Variants in MGRN1 observed in about 807,000 individuals in gnomAD.
The protein encoded by MGRN1 is E3 ubiquitin-protein ligase MGRN1.
In MGRN1, 29 loss-of-function variants were observed where a neutral mutation model predicts 69.2. The observed-to-expected ratio is 0.42, with a 90% CI of 0.31 to 0.57. The LOEUF (loss-of-function observed/expected upper bound fraction) is 0.57, where lower values mean the gene tolerates loss of function less well. Ranked by LOEUF, MGRN1 falls within the 20% of genes least tolerant of loss-of-function variation. The probability of loss-of-function intolerance (pLI) is 0.15; values close to 1 mark genes in which losing one functional copy is unlikely to be tolerated. For missense variants in MGRN1, 998 were observed against 796.2 expected (o/e 1.25, Z -3.05); for synonymous variants, 470 against 344.2 (o/e 1.37, Z -4.04).
intron 1 of MGRN1, among the ~76,000 whole-genome samples, chr16:4,635,610 G>T (rs1163330223): frequency 1.3e-5 from 2 of 151,408 alleles, no homozygotes; most frequent in African/African-American, 4.9e-5. Context: ...GGGATTACAG[G>T]TGTGGGCCAC....
intron 8 of MGRN1, 135 bp downstream of exon 8, chr16:4,668,447 A>G: frequency 1.1e-6 from 1 of 883,072 alleles, no homozygotes; most frequent in South Asian, 1.6e-5. Context: ...ACACTCATAC[A>G]CATTCACTTG....
Position 4,683,235 on chromosome 16 carries a change from A to T in MGRN1, c.1494A>T (p.Thr498=). The change falls in exon 15 of 17, where the codon ACA becomes ACT. Residue 498 remains threonine (T), a synonymous_variant. Transcript: ENST00000262370. The part of the protein sequence containing the change: ...RESSSPESFI[T]EEVDESSSPQ... Reference sequence around the variant, plus strand: ...CCTTTGTTTCCTAGAGTTTCATAACAGAAGAGGTTGATGAGTCGTCGTCAC... The same window carrying T: ...CCTTTGTTTCCTAGAGTTTCATAACTGAAGAGGTTGATGAGTCGTCGTCAC... 1 of 1,613,838 alleles carries T rather than the reference A, an allele frequency of 6.2e-7. No homozygotes were observed. Among genetic ancestry groups the T allele is most frequent in the African/African-American group, 1.3e-5 (1 of 75,052 alleles).
chr16:4,686,640 G>A (rs2079326301), intron 16 of MGRN1: 9 of 1,143,912 alleles, frequency 7.9e-6, no homozygotes, highest in Non-Finnish European at 9.7e-6. Flanking sequence ...CAGAGCCACT[G>A]TCCACTGCGG....
chr16:4,663,353 G>A (rs1012367631), intron 5 of MGRN1, among the ~76,000 whole-genome samples: 3 of 141,912 alleles, frequency 2.1e-5, no homozygotes, highest in South Asian at 4.5e-4. Context: ...GGGAGCCACG[G>A]CACCTGGCCT....
At chr16:4,662,334 G>C (rs574492832) in intron 5 of MGRN1, among the ~76,000 whole-genome samples, 1 of 152,024 alleles carries the variant, frequency 6.6e-6, no homozygotes, top group Non-Finnish European at 1.5e-5. Flanking sequence ...GGCCAACATG[G>C]TGAAACCCCG....
At chr16:4,658,078 G>GT (rs2078592805) in intron 5 of MGRN1, among the ~76,000 whole-genome samples, 1 of 151,856 alleles carries the variant, frequency 6.6e-6, no homozygotes, top group Non-Finnish European at 1.5e-5. Context: ...TCTTTTGTAG[G>GT]TTGCGGCTTG....
intron 1 of MGRN1, among the ~76,000 whole-genome samples, chr16:4,638,670 T>G (rs2078086482): frequency 6.6e-6 from 1 of 152,158 alleles, no homozygotes; most frequent in Non-Finnish European, 1.5e-5. Context: ...GACCTGATCT[T>G]GTGCAGGTCT....
intron 5 of MGRN1, among the ~76,000 whole-genome samples, chr16:4,661,318 C>G (rs2078675462): frequency 6.6e-6 from 1 of 152,196 alleles, no homozygotes; most frequent in South Asian, 2.1e-4. Context: ...GACGTTTTCA[C>G]AAAGCCGTGG....
At chr16:4,684,115 C>A (rs897644062) in intron 16 of MGRN1, among the ~76,000 whole-genome samples, 183 bp downstream of exon 16, 2 of 152,258 alleles carry the variant, frequency 1.3e-5, no homozygotes, top group African/African-American at 4.8e-5. Flanking sequence ...AGGGCCATGG[C>A]CACAAAGCAG....
At chr16:4,673,451 C>G (rs373505369) in intron 9 of MGRN1, 47 bp from the exon 10 acceptor site, 8 of 1,596,884 alleles carry the variant, frequency 5.0e-6, no homozygotes, top group Non-Finnish European at 6.0e-6. Context: ...AGGAGCCGTA[C>G]TCTGGCCTTT....
intron 5 of MGRN1, among the ~76,000 whole-genome samples, chr16:4,661,073 C>T (rs1237768027): frequency 6.6e-6 from 1 of 152,124 alleles, no homozygotes; most frequent in Non-Finnish European, 1.5e-5. Flanking sequence ...CCTCGAACTC[C>T]TGGGTTAAGC....
intron 9 of MGRN1, among the ~76,000 whole-genome samples, chr16:4,672,911 C>T (rs1013727037): frequency 3.9e-5 from 6 of 152,214 alleles, no homozygotes; most frequent in African/African-American, 9.6e-5. Context: ...CCATCTTGGC[C>T]CACTGCAAGC....
chr16:4,674,626 C>CTTTT (rs71139654), intron 10 of MGRN1, among the ~76,000 whole-genome samples: 76 of 47,276 alleles, frequency 1.6e-3, no homozygotes, highest in African/African-American at 2.9e-3. Flanking sequence ...CTTTTCTTTT[C>CTTTT]TTTTTTTTTT....
chr16:4,645,189 C>G (rs1049821405), intron 1 of MGRN1, among the ~76,000 whole-genome samples: 2 of 151,844 alleles, frequency 1.3e-5, no homozygotes, highest in African/African-American at 4.8e-5. Flanking sequence ...GAGACAGGGT[C>G]TTGCTCTGTT....
intron 1 of MGRN1, among the ~76,000 whole-genome samples, chr16:4,639,050 C>T (rs904492743): frequency 5.3e-5 from 8 of 152,180 alleles, no homozygotes; most frequent in African/African-American, 1.9e-4. Flanking sequence ...CTGAGCAGGT[C>T]ACTCAGCCTC....
chr16:4,641,582 A>G (rs1435264401), intron 1 of MGRN1, among the ~76,000 whole-genome samples: 1 of 146,066 alleles, frequency 6.8e-6, no homozygotes, highest in South Asian at 2.2e-4. Context: ...GCAGTGGTGC[A>G]GTCTCGGCTG....
intron 7 of MGRN1, 34 bp downstream of exon 7, chr16:4,665,185 CCTGGGAG>C (rs766684772): frequency 6.2e-7 from 1 of 1,613,264 alleles, no homozygotes; most frequent in African/African-American, 1.3e-5. Context: ...TTCCCGGGGA[CCTGGGAG>C]CTGGGCAGGG....
intron 7 of MGRN1, among the ~76,000 whole-genome samples, chr16:4,667,091 G>T (rs2078821806): frequency 6.6e-6 from 1 of 152,216 alleles, no homozygotes; most frequent in Admixed American, 6.5e-5. Flanking sequence ...GAGTCGGAGG[G>T]GGAAAGGATC....
intron 5 of MGRN1, among the ~76,000 whole-genome samples, chr16:4,661,654 CAG>C (rs1468267267): frequency 2.6e-5 from 4 of 152,270 alleles, no homozygotes. Context: ...TCCTCACTAA[CAG>C]AGACCACGGC....
Sources: gnomAD v4.1 joint callset for allele counts (sites outside exome capture counted in the v4.1 genomes callset) on GRCh38, gnomAD v4.1.1 for gene constraint, MANE v1.5 for transcripts, NCBI Gene and HGNC (gene_info 2026-07-23, HGNC 2026-07-21) for gene names.